OSBPL5: variants seen among roughly 807,000 people sequenced by gnomAD.
OSBPL5 encodes the protein oxysterol-binding protein-related protein 5.
Under a neutral mutation model 111.2 loss-of-function variants are expected in OSBPL5, and 71 were observed. The ratio of observed to expected loss-of-function variants is 0.64; its 90% CI spans 0.53 to 0.78. OSBPL5 has a LOEUF of 0.78. OSBPL5 is among the 30% of genes least tolerant of loss of function. OSBPL5 has a pLI of 0.00. For synonymous variants in OSBPL5, 549 were observed against 513.9 expected, an observed-to-expected ratio of 1.07 and a Z score of -0.93; for missense variants, 1,210 against 1,189.3, an observed-to-expected ratio of 1.02 and a Z score of -0.26.
chr11:3,132,870 C>T (rs553051557), intron 1 of OSBPL5, among the ~76,000 whole-genome samples: 40 of 152,324 alleles, frequency 2.6e-4, no homozygotes, highest in African/African-American at 9.4e-4. Flanking sequence ...TCCCAGCAGC[C>T]AAGGCAGGGA....
chr11:3,101,741 G>A lies in OSBPL5; in HGVS notation c.1426-42C>T, dbSNP rs1350777784. The A allele has an allele frequency of 2.6e-6, 4 of 1,524,984 alleles. 1 individual carries two copies. In the South Asian group the frequency reaches 3.4e-5, roughly 13 times the overall value. 94.5% of individuals were successfully genotyped at this position (1,524,984 alleles called of 1,614,324 possible). A position where few individuals can be genotyped will look rare whatever the true frequency, so the allele number is the denominator to read the frequency against. On this transcript the variant is annotated intron_variant, in intron 12 of 21. Coordinates refer to ENST00000263650, the MANE Select transcript of OSBPL5 (RefSeq NM_020896.4). ...GGCTCTGTAAACAGCCCCGGAAACA[G>A]GTAATCCCAGGAAGCGAGAGCCCAG...
rs1846074201 is a variant in OSBPL5, at chr11:3,140,435, C to G, written c.-21-11266G>C. 6.6e-6 allele frequency among the ~76,000 whole-genome samples: 1 copy of G among 152,180 alleles called. No individual in the cohort carries two copies. Among genetic ancestry groups the G allele is most frequent in the African/African-American group, 2.4e-5 (1 of 41,426 alleles). On this transcript the variant is annotated intron_variant, in intron 1 of 21. Transcript: ENST00000263650. This position sits in a 1 kb window ranked among gnomAD's most constrained non-coding sequence, Gnocchi z 4.5. ...CCCAGGAAAAGCCAGCACAGCGTGT[C>G]CTCCTGAGAGGCCTGTGTGGACACT... is the stretch of plus-strand genomic sequence containing the variant.
At chr11:3,090,735 A>C (rs1449771497) in intron 19 of OSBPL5, 39 bp from the exon 20 acceptor site, 1 of 1,576,502 alleles carries the variant, frequency 6.3e-7, no homozygotes, top group East Asian at 2.3e-5. Context: ...AAAGCCACCC[A>C]CGCCCCCTGC....
chr11:3,090,295 C>T (rs1255533969), intron 20 of OSBPL5, among the ~76,000 whole-genome samples: 1 of 152,180 alleles, frequency 6.6e-6, no homozygotes, highest in Non-Finnish European at 1.5e-5. Flanking sequence ...TGGACCTGCC[C>T]CTCCCACCGC....
chr11:3,131,788 TCCACCTAC>T (rs1845803624), intron 1 of OSBPL5, among the ~76,000 whole-genome samples: 1 of 91,750 alleles, frequency 1.1e-5, no homozygotes, highest in African/African-American at 5.7e-5. Flanking sequence ...CATCCATCCA[TCCACCTAC>T]CCATTCATTC....
chr11:3,125,181 C>T (rs1366033925), intron 3 of OSBPL5, among the ~76,000 whole-genome samples: 1 of 152,232 alleles, frequency 6.6e-6, no homozygotes, highest in Admixed American at 6.5e-5. Context: ...AAGTGCTGCT[C>T]AGAACTGTGA....
intron 14 of OSBPL5, among the ~76,000 whole-genome samples, chr11:3,099,707 A>G (rs75703271): frequency 0.015 from 2,327 of 152,306 alleles, 54 homozygotes; most frequent in African/African-American, 0.053. Flanking sequence ...GGAAGCCACA[A>G]GGCAAGCAAA....
Position 3,093,059 on chromosome 11 carries a change from G to A in OSBPL5, c.1947-7C>T. On this transcript the variant is annotated splice_polypyrimidine_tract_variant and splice_region_variant and intron_variant, in intron 17 of 21. Coordinates refer to ENST00000263650, the MANE Select transcript of OSBPL5 (RefSeq NM_020896.4). ...GGTGACGTGCTGCCAGAGCCTGCGG[G>A]CCAGTGACCCATCCTGAGCCAGTGG... 1 of 1,561,976 alleles carries A rather than the reference G, an allele frequency of 6.4e-7. No homozygotes were observed. Among genetic ancestry groups the A allele is most frequent in the South Asian group, 1.2e-5 (1 of 85,034 alleles).
chr11:3,161,288 C>G lies in OSBPL5; in HGVS notation c.-22+3928G>C, dbSNP rs576890829. 1.3e-5 allele frequency: 2 copies of G among 152,336 alleles called. No individual in the cohort carries two copies. The highest frequency in any genetic ancestry group is 4.8e-5 in the African/African-American group (2 of 41,564). The allele number at this position is 152,336 out of a possible 1,614,324, so 9.4% of individuals were successfully genotyped here. ...TCACCAAACACACTATTAGGCATCC[C>G]GAGGAGGTGAGACACCCTAAGGGCT... On this transcript the variant is annotated intron_variant, in intron 1 of 21. Coordinates refer to ENST00000263650, the MANE Select transcript of OSBPL5 (RefSeq NM_020896.4). The surrounding 1 kb of genome is among the most constrained non-coding windows in gnomAD (Gnocchi z 8.0).
intron 14 of OSBPL5, 81 bp downstream of exon 14, chr11:3,100,077 C>T (rs1244937021): frequency 8.0e-7 from 1 of 1,250,380 alleles, no homozygotes; most frequent in East Asian, 2.5e-5. Flanking sequence ...TACCTTCAAG[C>T]AAATAACCAA....
intron 1 of OSBPL5, among the ~76,000 whole-genome samples, chr11:3,156,722 C>T (rs547840972): frequency 1.3e-5 from 2 of 152,336 alleles, no homozygotes; most frequent in East Asian, 3.9e-4. Flanking sequence ...TTTTCATTAA[C>T]GATATAGGCG....
At chr11:3,099,512 T>C (rs1281982692) in intron 14 of OSBPL5, among the ~76,000 whole-genome samples, 1 of 152,168 alleles carries the variant, frequency 6.6e-6, no homozygotes, top group Non-Finnish European at 1.5e-5. Flanking sequence ...TCAATTTTTC[T>C]GTAAACACAA....
intron 1 of OSBPL5, among the ~76,000 whole-genome samples, chr11:3,152,900 G>A (rs960432702): frequency 2.0e-5 from 3 of 152,188 alleles, no homozygotes; most frequent in East Asian, 3.9e-4. Context: ...GTACTTCCCG[G>A]GTCCTCCTGC....
intron 1 of OSBPL5, among the ~76,000 whole-genome samples, chr11:3,133,985 G>A (rs1017219434): frequency 6.6e-6 from 1 of 151,924 alleles, no homozygotes; most frequent in Non-Finnish European, 1.5e-5. Flanking sequence ...GGCTTGGTGG[G>A]GGGGGGGTCA....
intron 14 of OSBPL5, among the ~76,000 whole-genome samples, chr11:3,095,822 C>G (rs567474350): frequency 6.6e-6 from 1 of 152,164 alleles, no homozygotes; most frequent in Non-Finnish European, 1.5e-5. Context: ...GAGGATGGAA[C>G]GTCACCATCT....
intron 1 of OSBPL5, among the ~76,000 whole-genome samples, chr11:3,138,514 C>A (rs998867681): frequency 3.9e-5 from 6 of 152,332 alleles, no homozygotes; most frequent in African/African-American, 1.4e-4. Flanking sequence ...TGGACGCAAT[C>A]TCAAACCCGC....
At position 3,107,044 on chromosome 11, in the gene OSBPL5, C is replaced by G. The variant is rs1448571002; in HGVS notation, c.1059+219G>C. On this transcript the variant is annotated intron_variant, in intron 9 of 21. Transcript: ENST00000263650. This position sits in a 1 kb window ranked among gnomAD's most constrained non-coding sequence, Gnocchi z 6.1. ...CCTGCCCGATCCCCGCATCTGCATG[C>G]CAGCCAGCCAGCCAGCCAGCGGGGC... Among the ~76,000 whole-genome samples the G allele has an allele frequency of 6.6e-6, 1 of 152,124 alleles. No individual in the cohort carries two copies. Among genetic ancestry groups the G allele is most frequent in the Non-Finnish European group, 1.5e-5 (1 of 68,006 alleles).
chr11:3,104,175 T>C lies in OSBPL5; in HGVS notation c.1244+18A>G. ...TGCAGGACGAGGTGTGGGGTGCCCC[T>C]CCCGGCATGGCGCGCACCTGGAGAG... is the stretch of plus-strand genomic sequence containing the variant. On this transcript the variant is annotated intron_variant, in intron 10 of 21. Coordinates refer to ENST00000263650, the MANE Select transcript of OSBPL5 (RefSeq NM_020896.4). This position sits in a 1 kb window ranked among gnomAD's most constrained non-coding sequence, Gnocchi z 5.0. 6.3e-7 allele frequency: 1 copy of C among 1,590,770 alleles called. No individual in the cohort carries two copies. Among genetic ancestry groups the C allele is most frequent in the Non-Finnish European group, 8.6e-7 (1 of 1,163,370 alleles).
At chr11:3,122,885 G>A (rs936333479) in intron 3 of OSBPL5, among the ~76,000 whole-genome samples, 3 of 152,200 alleles carry the variant, frequency 2.0e-5, no homozygotes, top group Non-Finnish European at 2.9e-5. Flanking sequence ...CCATGAGATG[G>A]TGGCAACAAG....
Sources: gnomAD v4.1 joint callset for allele counts (sites outside exome capture counted in the v4.1 genomes callset) on GRCh38, gnomAD v4.1.1 for gene constraint, Gnocchi (gnomAD v3.1) non-coding constraint, MANE v1.5 for transcripts, NCBI Gene and HGNC (gene_info 2026-07-23, HGNC 2026-07-21) for gene names.